FBXL19: variants seen among roughly 807,000 people sequenced by gnomAD.
The protein encoded by FBXL19 is F-box/LRR-repeat protein 19.
A neutral mutation model predicts 71.2 loss-of-function variants in FBXL19; 16 were observed. The observed-to-expected ratio is 0.22, with a 90% CI of 0.15 to 0.34. The LOEUF is 0.34. FBXL19 is among the 10% of genes least tolerant of loss of function. The pLI is 1.00. For missense variants in FBXL19, 658 were observed against 968.2 expected (o/e 0.68, Z 4.25); for synonymous variants, 447 against 409.4 (o/e 1.09, Z -1.11).
At position 30,947,515 on chromosome 16, in the gene FBXL19, C is replaced by T. The variant is rs1371871209; in HGVS notation, c.*285C>T. On this transcript the variant is annotated 3_prime_UTR_variant, in exon 11 of 11. Coordinates refer to ENST00000338343, the MANE Select transcript of FBXL19 (RefSeq NM_001382779.1). ...ACTGGAGGGTGCTGAGCCGAAGGGA[C>T]GGTGGGAGGGGGGTTATGGTGCAAG... 6.0e-6 allele frequency: 2 copies of T among 335,614 alleles called. No homozygotes were observed. Among genetic ancestry groups the T allele is most frequent in the Non-Finnish European group, 1.1e-5 (2 of 183,398 alleles). 20.8% of individuals were successfully genotyped at this position (335,614 alleles called of 1,614,324 possible).
intron 7 of FBXL19, among the ~76,000 whole-genome samples, chr16:30,933,515 T>A (rs2055697907): frequency 6.6e-6 from 1 of 151,706 alleles, no homozygotes; most frequent in Non-Finnish European, 1.5e-5. Flanking sequence ...AGTGGTGCAG[T>A]CATAGCTCAT....
chr16:30,947,067 C>T lies in FBXL19; in HGVS notation c.1862C>T (p.Thr621Met), dbSNP rs1376354164. ...HLNLAGCHRLTDHCLPLFRRC... is the reference protein window; with the variant it reads ...HLNLAGCHRLMDHCLPLFRRC... ...CCATCCCCAGGTTGCCACCGCCTAA[C>T]GGACCACTGCCTCCCGCTGTTCCGC... The change falls in exon 11 of 11, where the codon ACG (threonine) becomes ATG (methionine). Residue 621 changes from threonine (T) to methionine (M), a missense_variant. This residue lies in a region of FBXL19 where 69 missense variants were observed against 177.8 expected (regional missense o/e 0.39). Transcript: ENST00000338343. 1.9e-6 allele frequency: 3 copies of T among 1,594,724 alleles called. No individual in the cohort carries two copies. Among genetic ancestry groups the T allele is most frequent in the South Asian group, 1.1e-5 (1 of 89,422 alleles).
chr16:30,933,132 C>G (rs2055693816), intron 7 of FBXL19, among the ~76,000 whole-genome samples: 1 of 152,052 alleles, frequency 6.6e-6, no homozygotes, highest in Non-Finnish European at 1.5e-5. Context: ...TCCTGAGTAG[C>G]TGGGACTACA....
Position 30,925,759 on chromosome 16 carries a change from C to A in FBXL19, c.5C>A (p.Ser2Ter). The change falls in exon 2 of 11, where the codon TCG becomes TAG. Residue 2 changes from serine (S) to a stop codon, truncating the protein, a stop_gained. Transcript: ENST00000338343. LOFTEE classifies it high-confidence loss of function. The surrounding 1 kb of genome is among the most constrained non-coding windows in gnomAD (Gnocchi z 5.0). The part of the protein sequence containing the change: M[S>*]SSSRGPGAGA... Reference sequence around the variant, plus strand: ...TCGGCGTTGCTGACGCCCCCAATGTCGTCGAGCAGCCGGGGGCCGGGGGCC... The same window carrying A: ...TCGGCGTTGCTGACGCCCCCAATGTAGTCGAGCAGCCGGGGGCCGGGGGCC... 2 of 1,483,698 alleles carry A rather than the reference C, an allele frequency of 1.3e-6. No individual in the cohort carries two copies. Among genetic ancestry groups the A allele is most frequent in the Non-Finnish European group, 1.8e-6 (2 of 1,122,656 alleles). The allele number at this position is 1,483,698 out of a possible 1,614,324, so 91.9% of individuals were successfully genotyped here. A position where few individuals can be genotyped will look rare whatever the true frequency, so the allele number is the denominator to read the frequency against.
chr16:30,927,261 C>T, intron 2 of FBXL19, 47 bp from the exon 3 acceptor site: 1 of 1,516,844 alleles, frequency 6.6e-7, no homozygotes, highest in Non-Finnish European at 8.8e-7. Context: ...GGGTCTTTCC[C>T]CTGTTGTTAG....
rs1320839748 is a variant in FBXL19, at chr16:30,947,544, TG to T, written c.*321del. Reference sequence around the variant, plus strand: ...GGGAGGGGGGTTATGGTGCAAGTGTTGGGGGGGAGAATGGGGAAAGGACACA... The same window carrying T: ...GGGAGGGGGGTTATGGTGCAAGTGTTGGGGGGAGAATGGGGAAAGGACACA... On this transcript the variant is annotated 3_prime_UTR_variant, in exon 11 of 11. Coordinates refer to ENST00000338343, the MANE Select transcript of FBXL19 (RefSeq NM_001382779.1). The T allele has an allele frequency of 8.7e-6, 2 of 229,742 alleles. No individual in the cohort carries two copies. Among genetic ancestry groups the T allele is most frequent in the East Asian group, 1.3e-4 (1 of 7,574 alleles). The allele number at this position is 229,742 out of a possible 1,614,324, so 14.2% of individuals were successfully genotyped here.
At chr16:30,938,941 T>A (rs563250833) in intron 7 of FBXL19, among the ~76,000 whole-genome samples, 3 of 151,598 alleles carry the variant, frequency 2.0e-5, no homozygotes, top group Admixed American at 2.0e-4. Flanking sequence ...TGGCCACTAT[T>A]GGGTGCTTTT....
chr16:30,923,536 G>A (rs140746525), upstream of FBXL19, among the ~76,000 whole-genome samples: 341 of 143,076 alleles, frequency 2.4e-3, 1 homozygote, highest in African/African-American at 8.2e-3. Flanking sequence ...GGAGGAGGAG[G>A]AGGAGGGAAG....
Position 30,927,777 on chromosome 16 carries a change from C to A in FBXL19, c.441C>A (p.Ala147=), listed in dbSNP as rs367877670. Residue 147 remains alanine (A), a synonymous_variant, in exon 5 of 11, where the codon GCC becomes GCA. Transcript: ENST00000338343. ...GTGAGGGGCCTGGCCGCCGTAGGGC[C>A]GACAACGGCGAGGAGGGCGCCAGCT... The part of the protein sequence containing the change: ...DSGEGPGRRR[A]DNGEEGASLG... The A allele has an allele frequency of 6.4e-6, 10 of 1,556,458 alleles. No individual in the cohort carries two copies. Among genetic ancestry groups the A allele is most frequent in the Non-Finnish European group, 8.7e-6 (10 of 1,150,834 alleles).
Position 30,946,111 on chromosome 16 carries a change from C to G in FBXL19, c.1628-619C>G, listed in dbSNP as rs1021187337. Among the ~76,000 whole-genome samples the G allele has an allele frequency of 1.3e-5, 2 of 152,128 alleles. No individual in the cohort carries two copies. The highest frequency in any genetic ancestry group is 2.9e-5 in the Non-Finnish European group (2 of 68,032). ...CTGCTCAGCTTCTGGGGAAGCCTCA[C>G]GTAGCTTTTACTCTTGATGGAACGT... On this transcript the variant is annotated intron_variant, in intron 9 of 10. Coordinates refer to ENST00000338343, the MANE Select transcript of FBXL19 (RefSeq NM_001382779.1). This position sits in a 1 kb window ranked among gnomAD's most constrained non-coding sequence, Gnocchi z 6.7.
Position 30,923,594 on chromosome 16 carries a change from A to G in FBXL19, c.-890A>G. ...GGGAAGAGAGGAGGAAGGAGGAAGG[A>G]GCTGAGGAGGGATGAGAGAGGCGGC... is the stretch of plus-strand genomic sequence containing the variant. On this transcript the variant is annotated 5_prime_UTR_variant, in exon 1 of 11. Transcript: ENST00000338343. 6.8e-6 allele frequency among the ~76,000 whole-genome samples: 1 copy of G among 146,106 alleles called. No homozygotes were observed. Among genetic ancestry groups the G allele is most frequent in the Non-Finnish European group, 1.5e-5 (1 of 66,002 alleles).
chr16:30,944,142 C>T (rs1466347886), intron 9 of FBXL19, among the ~76,000 whole-genome samples: 11 of 141,344 alleles, frequency 7.8e-5, no homozygotes, highest in East Asian at 4.2e-4. Context: ...CAGTTCAGCC[C>T]TTTATCAGGA....
chr16:30,937,022 G>C (rs991247711), intron 7 of FBXL19, among the ~76,000 whole-genome samples: 1 of 152,122 alleles, frequency 6.6e-6, no homozygotes, highest in Non-Finnish European at 1.5e-5. Flanking sequence ...ATTAACAGGC[G>C]TGAGCCACCG....
At chr16:30,935,643 T>C (rs753867743) in intron 7 of FBXL19, among the ~76,000 whole-genome samples, 7 of 151,860 alleles carry the variant, frequency 4.6e-5, no homozygotes, top group Non-Finnish European at 8.8e-5. Flanking sequence ...CCCAGAGAGC[T>C]ACAAGAGGTC....
At position 30,948,045 on chromosome 16, in the gene FBXL19, A is replaced by C. The variant is rs371026698; in HGVS notation, c.*815A>C. ...ACTGAAGTGTTACTTGAACCGGGGG[A>C]ATCTCGGACCTGGGGGAGCCGGGGT... is the stretch of plus-strand genomic sequence containing the variant. On this transcript the variant is annotated 3_prime_UTR_variant, in exon 11 of 11. Coordinates refer to ENST00000338343, the MANE Select transcript of FBXL19 (RefSeq NM_001382779.1). The C allele has an allele frequency of 3.6e-6, 1 of 280,914 alleles. No individual in the cohort carries two copies. Among genetic ancestry groups the C allele is most frequent in the East Asian group, 1.3e-4 (1 of 8,000 alleles). 17.4% of individuals were successfully genotyped at this position (280,914 alleles called of 1,614,324 possible).
In FBXL19 at chr16:30,923,701, T is replaced by C. The variant is rs1364600350; in HGVS notation, c.-783T>C. ...CAACTGCCCCCTTCCCCTTTCCCTC[T>C]CCCCCTCTATCCTTTCCTTCCACCC... is the stretch of plus-strand genomic sequence containing the variant. On this transcript the variant is annotated 5_prime_UTR_variant, in exon 1 of 11. Coordinates refer to ENST00000338343, the MANE Select transcript of FBXL19 (RefSeq NM_001382779.1). 1.3e-5 allele frequency among the ~76,000 whole-genome samples: 2 copies of C among 150,534 alleles called. No homozygotes were observed. The highest frequency in any genetic ancestry group is 4.9e-5 in the African/African-American group (2 of 40,782).
chr16:30,927,549 C>G (rs1275695011), intron 3 of FBXL19, 24 bp from the exon 4 acceptor site: 4 of 1,554,832 alleles, frequency 2.6e-6, no homozygotes, highest in East Asian at 2.4e-5. Context: ...GCCAACCCCC[C>G]ACTCACTGCC....
At position 30,948,352 on chromosome 16, in the gene FBXL19, C is replaced by G. The variant is rs1323169253; in HGVS notation, c.*1122C>G. 1.3e-5 allele frequency: 2 copies of G among 152,906 alleles called. No individual in the cohort carries two copies. Among genetic ancestry groups the G allele is most frequent in the East Asian group, 1.9e-4 (1 of 5,190 alleles). 9.5% of individuals were successfully genotyped at this position (152,906 alleles called of 1,614,324 possible). A position where few individuals can be genotyped will look rare whatever the true frequency, so the allele number is the denominator to read the frequency against. On this transcript the variant is annotated 3_prime_UTR_variant, in exon 11 of 11. Coordinates refer to ENST00000338343, the MANE Select transcript of FBXL19 (RefSeq NM_001382779.1). Reference sequence around the variant, plus strand: ...GAAATAGCAGCCAACGGACACCTCCCGATGCCAGTGCTAAGGCTGGAAATG... The same window carrying G: ...GAAATAGCAGCCAACGGACACCTCCGGATGCCAGTGCTAAGGCTGGAAATG...
chr16:30,943,065 C>T (rs1051506540), intron 9 of FBXL19, among the ~76,000 whole-genome samples: 1 of 152,254 alleles, frequency 6.6e-6, no homozygotes, highest in Non-Finnish European at 1.5e-5. Flanking sequence ...AGCACGTTCT[C>T]AGTGGCTGCT....
Sources: allele counts gnomAD v4.1 joint callset (sites outside exome capture counted in the v4.1 genomes callset), GRCh38; gene constraint gnomAD v4.1.1; regional missense constraint gnomAD v4.1.1; non-coding constraint Gnocchi (gnomAD v3.1); transcripts MANE v1.5; gene names NCBI Gene and HGNC (gene_info 2026-07-23, HGNC 2026-07-21).